Variants in SNX18 observed in about 807,000 individuals in gnomAD.
SNX18 encodes sorting nexin-18.
A neutral mutation model predicts 48.7 loss-of-function variants in SNX18; 35 were observed. The observed-to-expected ratio is 0.72, with a 90% confidence interval of 0.55 to 0.95. The LOEUF (loss-of-function observed/expected upper bound fraction) is 0.95, where lower values mean the gene tolerates loss of function less well. Among genes scored for constraint, SNX18 ranks in the 40% least tolerant of loss-of-function variants. The probability of loss-of-function intolerance (pLI) is 0.00; values close to 1 mark genes in which losing one functional copy is unlikely to be tolerated. For missense variants in SNX18, 824 were observed against 871.0 expected, an observed-to-expected ratio of 0.95 and a Z score of 0.68; for synonymous variants, 492 against 384.7, an observed-to-expected ratio of 1.28 and a Z score of -3.26.
chr5:54,639,170 G>A, the SNX18 span, among the ~76,000 whole-genome samples: 1 of 151,180 alleles, frequency 6.6e-6, no homozygotes, highest in African/African-American at 2.4e-5. Context: ...TGCCTTCAGA[G>A]GTAACAGTGG....
At chr5:54,611,738 AAGG>A in the SNX18 span, among the ~76,000 whole-genome samples, 4 of 152,230 alleles carry the variant, frequency 2.6e-5, no homozygotes, top group East Asian at 7.7e-4. Context: ...TGGTAAAAGA[AAGG>A]AGAAGTGGGG....
the SNX18 span, among the ~76,000 whole-genome samples, chr5:54,563,283 C>A: frequency 6.6e-6 from 1 of 152,216 alleles, no homozygotes; most frequent in African/African-American, 2.4e-5. Context: ...TCACTATTCA[C>A]TCACTGACTC....
the SNX18 span, among the ~76,000 whole-genome samples, chr5:54,608,045 T>G: frequency 0.053 from 8,060 of 152,308 alleles, 290 homozygotes; most frequent in Non-Finnish European, 0.082. Context: ...AGGAGTTCAA[T>G]TGCTAGGTCA....
At chr5:54,528,453 G>A (rs1468029256) in intron 1 of SNX18, among the ~76,000 whole-genome samples, 2 of 152,214 alleles carry the variant, frequency 1.3e-5, no homozygotes, top group African/African-American at 4.8e-5. Context: ...GGAATTGTCA[G>A]TTTGTGTTAG....
chr5:54,542,367 A>G (rs918077071), intron 1 of SNX18, among the ~76,000 whole-genome samples: 4 of 152,160 alleles, frequency 2.6e-5, no homozygotes, highest in Admixed American at 6.5e-5. Flanking sequence ...TTCCTAAGTC[A>G]TCATTAGGGC....
Position 54,534,330 on chromosome 5 carries a change from A to G in SNX18, c.1622-8849A>G, listed in dbSNP as rs564568859. Among the ~76,000 whole-genome samples, 10 of 151,898 alleles carry G rather than the reference A, an allele frequency of 6.6e-5. No homozygotes were observed. In the East Asian group the frequency reaches 1.9e-3, roughly 29 times the overall value. The stretch of plus-strand genomic sequence containing the variant: ...TATAATTAGTCTTAGAAGAGACAAA[A>G]CATACTGAGAATAAGAGATTGGATT... On this transcript the variant is annotated intron_variant, in intron 1 of 1. Coordinates refer to ENST00000381410, the MANE Select transcript of SNX18 (RefSeq NM_001102575.2).
intron 1 of SNX18, among the ~76,000 whole-genome samples, chr5:54,526,778 T>C (rs1313677601): frequency 6.6e-6 from 1 of 151,888 alleles, no homozygotes; most frequent in Non-Finnish European, 1.5e-5. Context: ...AGGAGGTAAG[T>C]TTTGATGTAT....
chr5:54,637,046 G>C, the SNX18 span, among the ~76,000 whole-genome samples: 1 of 152,126 alleles, frequency 6.6e-6, no homozygotes, highest in Non-Finnish European at 1.5e-5. Flanking sequence ...TAGACAACTT[G>C]GTCAAAGTTT....
At chr5:54,617,758 C>T in the SNX18 span, among the ~76,000 whole-genome samples, 6 of 152,036 alleles carry the variant, frequency 3.9e-5, no homozygotes, top group East Asian at 1.9e-4. Flanking sequence ...ACAGATGTCT[C>T]GCTATGTTGC....
At chr5:54,538,008 A>ACT (rs1276737527) in intron 1 of SNX18, among the ~76,000 whole-genome samples, 1 of 152,130 alleles carries the variant, frequency 6.6e-6, no homozygotes, top group African/African-American at 2.4e-5. Flanking sequence ...TGATGATCTA[A>ACT]CTCTGCTCCA....
rs970745035 is a variant in SNX18 at position 54,544,330 on chromosome 5, C to G, written c.*898C>G. 3 of 151,998 alleles carry G rather than the reference C, an allele frequency of 2.0e-5. No homozygotes were observed. Among genetic ancestry groups the G allele is most frequent in the African/African-American group, 7.3e-5 (3 of 41,352 alleles). The allele number at this position is 151,998 out of a possible 1,614,324, so 9.4% of individuals were successfully genotyped here. ...AGTATCGAATCATTGACAACACACA[C>G]TTGGCTTTAGTTCTTAGGAGGGTTT... On this transcript the variant is annotated 3_prime_UTR_variant, in exon 2 of 2. Transcript: ENST00000381410.
the SNX18 span, among the ~76,000 whole-genome samples, chr5:54,637,256 A>C: frequency 1.3e-5 from 2 of 152,214 alleles, no homozygotes; most frequent in East Asian, 3.8e-4. Context: ...AAGGAATACA[A>C]ACACAGAACT....
intron 1 of SNX18, among the ~76,000 whole-genome samples, chr5:54,540,146 T>G (rs1049333176): frequency 2.6e-5 from 4 of 152,192 alleles, no homozygotes; most frequent in African/African-American, 7.2e-5. Context: ...TAATACTTAT[T>G]GCTGTATCTG....
At chr5:54,621,662 C>G in the SNX18 span, among the ~76,000 whole-genome samples, 1 of 151,962 alleles carries the variant, frequency 6.6e-6, no homozygotes, top group African/African-American at 2.4e-5. Flanking sequence ...TTCAGAAAAA[C>G]GAGAAAGTGC....
chr5:54,557,150 TA>T, the SNX18 span, among the ~76,000 whole-genome samples: 4 of 152,236 alleles, frequency 2.6e-5, no homozygotes, highest in Admixed American at 6.5e-5. Context: ...AAGAGTATTC[TA>T]ATACACCGAT....
chr5:54,538,957 C>T (rs373118787), intron 1 of SNX18, among the ~76,000 whole-genome samples: 3 of 152,188 alleles, frequency 2.0e-5, no homozygotes, highest in African/African-American at 4.8e-5. Flanking sequence ...CTTGATTACA[C>T]GTAGCTCTCC....
chr5:54,630,570 A>C, the SNX18 span, among the ~76,000 whole-genome samples: 1 of 152,066 alleles, frequency 6.6e-6, no homozygotes, highest in Non-Finnish European at 1.5e-5. Context: ...GTCATGGCTC[A>C]TGCTTGTAAT....
intron 1 of SNX18, among the ~76,000 whole-genome samples, chr5:54,541,838 G>T (rs1413138647): frequency 1.3e-5 from 2 of 152,138 alleles, no homozygotes; most frequent in Non-Finnish European, 2.9e-5. Flanking sequence ...ACGTTTAAGG[G>T]TTTTGTTTAA....
the SNX18 span, among the ~76,000 whole-genome samples, chr5:54,647,633 A>G: frequency 3.9e-5 from 6 of 152,296 alleles, no homozygotes; most frequent in East Asian, 1.2e-3. Context: ...CCAAGAATCA[A>G]AGTCATCATC....
Sources: gnomAD v4.1 joint callset for allele counts (sites outside exome capture counted in the v4.1 genomes callset) on GRCh38, gnomAD v4.1.1 for gene constraint, MANE v1.5 for transcripts, NCBI Gene and HGNC (gene_info 2026-07-23, HGNC 2026-07-21) for gene names.